Variants in MMS19 observed in about 807,000 individuals in gnomAD.
The protein encoded by MMS19 is MMS19 cytosolic iron-sulfur assembly component, also known as MMS19 nucleotide excision repair protein homolog.
A neutral mutation model predicts 129.8 loss-of-function variants in MMS19; 77 were observed. The ratio of observed to expected loss-of-function variants is 0.59; its 90% CI spans 0.49 to 0.72. The LOEUF (loss-of-function observed/expected upper bound fraction) is 0.72. Ranked by LOEUF, MMS19 falls within the 30% of genes least tolerant of loss-of-function variation. MMS19 has a pLI of 0.00. For missense variants in MMS19, 1,168 were observed against 1,266.3 expected, an observed-to-expected ratio of 0.92 and a Z score of 1.18; for synonymous variants, 491 against 502.8, an observed-to-expected ratio of 0.98 and a Z score of 0.31.
At chr10:97,488,188 G>T (rs1268801054) in intron 1 of MMS19, among the ~76,000 whole-genome samples, 1 of 152,018 alleles carries the variant, frequency 6.6e-6, no homozygotes, top group African/African-American at 2.4e-5. Flanking sequence ...GTACGAAAAG[G>T]TGCTCAACCA....
At chr10:97,471,656 G>A (rs1192877294) in intron 8 of MMS19, among the ~76,000 whole-genome samples, 4 of 151,924 alleles carry the variant, frequency 2.6e-5, no homozygotes, top group South Asian at 4.1e-4. Context: ...GGTTACAGGC[G>A]CACCAACACA....
At chr10:97,460,303 C>T (rs1368299371) in intron 25 of MMS19, 71 bp from the exon 26 acceptor site, 10 of 1,436,280 alleles carry the variant, frequency 7.0e-6, no homozygotes, top group African/African-American at 4.2e-5. Flanking sequence ...AGGATGGGGC[C>T]GGGTGTGGTG....
chr10:97,477,444 GA>G (rs1564666379), intron 5 of MMS19, 28 bp from the exon 6 acceptor site: 1 of 1,613,868 alleles, frequency 6.2e-7, no homozygotes, highest in East Asian at 2.2e-5. Context: ...AAGAAGTGAA[GA>G]AAATGCTCAA....
chr10:97,491,101 T>C (rs2038793497), intron 1 of MMS19, among the ~76,000 whole-genome samples: 1 of 152,234 alleles, frequency 6.6e-6, no homozygotes, highest in Non-Finnish European at 1.5e-5. Flanking sequence ...AGCCTGGCTA[T>C]AGTACAGAAA....
chr10:97,486,862 C>CACATATATATATATATAT (rs1491353044), intron 1 of MMS19, among the ~76,000 whole-genome samples: 8 of 85,076 alleles, frequency 9.4e-5, no homozygotes, highest in African/African-American at 2.9e-4. Flanking sequence ...ATTAAAGTGC[C>CACATATATATATATATAT]ATATATATAT....
chr10:97,496,133 C>T (rs1157661760), intron 1 of MMS19, among the ~76,000 whole-genome samples: 1 of 152,166 alleles, frequency 6.6e-6, no homozygotes, highest in Non-Finnish European at 1.5e-5. Flanking sequence ...GTGTTACAGT[C>T]TTAAATCAGT....
Position 97,459,402 on chromosome 10 carries a change from AG to A in MMS19, c.2863del (p.Leu955SerfsTer6), listed in dbSNP as rs2031007238. 3 of 1,606,026 alleles carry A rather than the reference AG, an allele frequency of 1.9e-6. No homozygotes were observed. Among genetic ancestry groups the A allele is most frequent in the Non-Finnish European group, 2.6e-6 (3 of 1,176,340 alleles). On this transcript the variant is annotated frameshift_variant, in exon 28 of 31. Coordinates refer to ENST00000438925, the MANE Select transcript of MMS19 (RefSeq NM_022362.5). LOFTEE classifies it high-confidence loss of function. ...PQVMSLHVDT[L>X]VTKFLNLSSS... Reference sequence around the variant, plus strand: ...GCTGAGGTTCAGAAACTTGGTGACGAGGGTGTCCACGTGAAGACTCATGACT... The same window carrying A: ...GCTGAGGTTCAGAAACTTGGTGACGAGGTGTCCACGTGAAGACTCATGACT...
chr10:97,470,716 T>C, intron 9 of MMS19, 59 bp downstream of exon 9: 1 of 1,089,404 alleles, frequency 9.2e-7, no homozygotes, highest in Non-Finnish European at 1.4e-6. Context: ...CTTTTACTGC[T>C]CTTTCTTCAG....
rs1463798184 is a variant in MMS19 at position 97,484,161 on chromosome 10, A to G, written c.113-10T>C. ...TTGCCAGATTTCACATCTGCAGGAA[A>G]TAAAATAAATAAATATGAAAAATAA... On this transcript the variant is annotated splice_polypyrimidine_tract_variant and intron_variant, in intron 1 of 30. Transcript: ENST00000438925. The G allele has an allele frequency of 8.9e-6, 13 of 1,465,116 alleles. No homozygotes were observed. The highest frequency in any genetic ancestry group is 1.4e-5 in the African/African-American group (1 of 69,988). The allele number at this position is 1,465,116 out of a possible 1,614,324, so 90.8% of individuals were successfully genotyped here.
At chr10:97,477,807 C>A in intron 5 of MMS19, 48 bp downstream of exon 5, 1 of 1,360,050 alleles carries the variant, frequency 7.4e-7, no homozygotes, top group South Asian at 1.4e-5. Context: ...CCAGTTATGT[C>A]AAGGGGTAGA....
At chr10:97,488,946 A>AT (rs1394004463) in intron 1 of MMS19, among the ~76,000 whole-genome samples, 1 of 152,200 alleles carries the variant, frequency 6.6e-6, no homozygotes, top group East Asian at 1.9e-4. Context: ...ACTTTTATTT[A>AT]TTTTTTAATC....
chr10:97,476,255 CAT>C (rs745762094), intron 8 of MMS19, among the ~76,000 whole-genome samples: 2 of 152,212 alleles, frequency 1.3e-5, no homozygotes, highest in Non-Finnish European at 2.9e-5. Context: ...ACTCCAGAAT[CAT>C]ATCTTCTGCA....
chr10:97,481,166 T>C (rs2036729048), intron 2 of MMS19, 124 bp from the exon 3 acceptor site: 1 of 687,704 alleles, frequency 1.5e-6, no homozygotes, highest in African/African-American at 1.8e-5. Flanking sequence ...CTGTTAAGAG[T>C]AAAAACAGCC....
chr10:97,488,105 T>A (rs2038230001), intron 1 of MMS19, among the ~76,000 whole-genome samples: 1 of 150,924 alleles, frequency 6.6e-6, no homozygotes, highest in Non-Finnish European at 1.5e-5. Context: ...AATAAATAAA[T>A]AAAATTAAAA....
rs779085116 is a variant in MMS19 at position 97,470,168 on chromosome 10, A to C, written c.807T>G (p.Ser269=). ...LLPLLIEKVD[S]EVLSAKLDSL... is the part of the protein sequence containing the mutation. ...AATCCAACTTGGCACTCAGAACCTC[A>C]GAATCCACTTTCTCAATCAACAGGG... is the stretch of plus-strand genomic sequence containing the variant. The change falls in exon 10 of 31, where the codon TCT becomes TCG. Residue 269 remains serine (S), a synonymous_variant. Coordinates refer to ENST00000438925, the MANE Select transcript of MMS19 (RefSeq NM_022362.5). The C allele has an allele frequency of 1.2e-6, 2 of 1,610,008 alleles. No homozygotes were observed. The highest frequency in any genetic ancestry group is 1.7e-6 in the Non-Finnish European group (2 of 1,178,228).
intron 18 of MMS19, among the ~76,000 whole-genome samples, chr10:97,464,489 G>A (rs1401319316): frequency 6.6e-6 from 1 of 152,162 alleles, no homozygotes; most frequent in African/African-American, 2.4e-5. Flanking sequence ...CATTGGAGCA[G>A]TGCTTCTCAA....
At chr10:97,490,722 G>A (rs959891407) in intron 1 of MMS19, among the ~76,000 whole-genome samples, 8 of 152,308 alleles carry the variant, frequency 5.3e-5, no homozygotes, top group Admixed American at 5.2e-4. Flanking sequence ...CTGGGCAGAG[G>A]CTCACTCTAG....
At position 97,462,069 on chromosome 10, in the gene MMS19, T is replaced by A. The variant is rs144393926; in HGVS notation, c.2063A>T (p.Asn688Ile). 6.3e-7 allele frequency: 1 copy of A among 1,591,914 alleles called. No homozygotes were observed. Among genetic ancestry groups the A allele is most frequent in the Non-Finnish European group, 8.6e-7 (1 of 1,169,054 alleles). The change falls in exon 21 of 31, where the codon AAC becomes ATC. Residue 688 changes from asparagine to isoleucine, a missense_variant. By Grantham distance (149) the Asn-to-Ile change is moderately radical. Transcript: ENST00000438925. Reference protein sequence around the residue: ...THIVPLFLDGNVSFLPENSFP... With the variant: ...THIVPLFLDGIVSFLPENSFP... ...GCTGTTTTCAGGCAGAAAGGACACG[T>A]TGCCATCCAAGAAGAGGGGCACAAT...
rs760620586 is a variant in MMS19, at chr10:97,459,357, C to T, written c.2904+5G>A. ...GTGCCTAAGAGTTGCTGGGGCTCAA[C>T]GCACCATGGAAGGGCTAGAGCTGAG... is the stretch of plus-strand genomic sequence containing the variant. On this transcript the variant is annotated splice_donor_5th_base_variant and intron_variant, in intron 28 of 30. Coordinates refer to ENST00000438925, the MANE Select transcript of MMS19 (RefSeq NM_022362.5). The T allele has an allele frequency of 7.5e-6, 12 of 1,607,188 alleles. No individual in the cohort carries two copies. Among genetic ancestry groups the T allele is most frequent in the South Asian group, 1.1e-5 (1 of 90,000 alleles).
Sources: gnomAD v4.1 joint callset for allele counts (sites outside exome capture counted in the v4.1 genomes callset) on GRCh38, gnomAD v4.1.1 for gene constraint, MANE v1.5 for transcripts, NCBI Gene and HGNC (gene_info 2026-07-23, HGNC 2026-07-21) for gene names.